Variants in SCARA3 observed in about 807,000 individuals in gnomAD.
SCARA3 encodes the protein scavenger receptor class A member 3, also known as cellular stress response gene protein.
A neutral mutation model predicts 47.0 loss-of-function variants in SCARA3; 39 were observed. The ratio of observed to expected loss-of-function variants is 0.83; its 90% CI spans 0.64 to 1.08. The LOEUF is 1.08. Among genes scored for constraint, SCARA3 ranks in the 50% least tolerant of loss-of-function variants. The pLI is 0.00. For missense variants in SCARA3, 724 were observed against 792.3 expected (o/e 0.91, Z 1.04); for synonymous variants, 356 against 334.1 (o/e 1.07, Z -0.71).
At chr8:27,701,212 A>G in the SCARA3 span, 3 of 152,252 alleles carry the variant, frequency 2.0e-5, no homozygotes, top group African/African-American at 7.2e-5. Context: ...GATGTTCTAG[A>G]AAAACTAAAA....
chr8:27,729,235 A>T, the SCARA3 span, among the ~76,000 whole-genome samples: 10 of 152,306 alleles, frequency 6.6e-5, no homozygotes, highest in East Asian at 3.9e-4. Context: ...AGCTCTTTCA[A>T]TGCACTTTAC....
At chr8:27,719,361 A>G in the SCARA3 span, among the ~76,000 whole-genome samples, 1 of 152,142 alleles carries the variant, frequency 6.6e-6, no homozygotes, top group Non-Finnish European at 1.5e-5. Flanking sequence ...AGGGAACAAC[A>G]CACACTGGGG....
intron 5 of SCARA3, among the ~76,000 whole-genome samples, chr8:27,669,728 G>A (rs1202513234): frequency 6.6e-6 from 1 of 152,234 alleles, no homozygotes; most frequent in African/African-American, 2.4e-5. Context: ...GGTGGGGCTG[G>A]CTCTGTCTGG....
At position 27,665,412 on chromosome 8, in the gene SCARA3, AGTGTCTGTGCTAGACT is replaced by A. The variant is rs34888408; in HGVS notation, c.1370-5466_1370-5451del. Among the ~76,000 whole-genome samples the A allele has an allele frequency of 2.5e-4, 38 of 152,318 alleles. 1 individual carries two copies. The highest frequency in any genetic ancestry group is 4.6e-4 in the Admixed American group (7 of 15,300). On this transcript the variant is annotated intron_variant, in intron 5 of 5. Transcript: ENST00000301904. Reference sequence around the variant, plus strand: ...TCTTCCTACTCTGCAGGGTAATTTCAGTGTCTGTGCTAGACTGTGTCTGTGCTAGACTGTGTCCATG... The same window carrying A: ...TCTTCCTACTCTGCAGGGTAATTTCAGTGTCTGTGCTAGACTGTGTCCATG...
the SCARA3 span, among the ~76,000 whole-genome samples, chr8:27,699,885 G>C: frequency 3.2e-4 from 49 of 152,280 alleles, no homozygotes; most frequent in African/African-American, 1.1e-3. Context: ...ACCACATTGA[G>C]ATCCAGAAAT....
chr8:27,668,322 T>A (rs949304706), intron 5 of SCARA3, among the ~76,000 whole-genome samples: 1 of 147,126 alleles, frequency 6.8e-6, no homozygotes, highest in Non-Finnish European at 1.5e-5. Flanking sequence ...GGGTGGATCA[T>A]GAGGTCAGGA....
At chr8:27,690,425 A>G in the SCARA3 span, among the ~76,000 whole-genome samples, 1 of 152,168 alleles carries the variant, frequency 6.6e-6, no homozygotes, top group African/African-American at 2.4e-5. Context: ...TCTCTCACAC[A>G]CATGACGTGA....
At position 27,656,981 on chromosome 8, in the gene SCARA3, G is replaced by A. The variant is rs1801757849; in HGVS notation, c.325+101G>A. The stretch of plus-strand genomic sequence containing the variant: ...CCCCAGCACCAAGCAACCTTCACCA[G>A]CCTTCTAGGCACAGAGGCTATCCCC... On this transcript the variant is annotated intron_variant, in intron 4 of 5. Transcript: ENST00000301904. 9 of 756,690 alleles carry A rather than the reference G, an allele frequency of 1.2e-5. No individual in the cohort carries two copies. The Admixed American group carries it at 1.7e-4, about 15-fold the overall frequency. 46.9% of individuals were successfully genotyped at this position (756,690 alleles called of 1,614,324 possible).
At chr8:27,635,394 C>G (rs1019419463) in intron 1 of SCARA3, among the ~76,000 whole-genome samples, 4 of 152,136 alleles carry the variant, frequency 2.6e-5, no homozygotes, top group African/African-American at 7.2e-5. Flanking sequence ...CTACAAGGTC[C>G]CACACTTGGT....
chr8:27,681,157 T>C (rs1478321737), downstream of SCARA3, among the ~76,000 whole-genome samples: 2 of 152,032 alleles, frequency 1.3e-5, no homozygotes, highest in Non-Finnish European at 2.9e-5. Context: ...ATAAGACAAG[T>C]AAAGTAAAGA....
chr8:27,638,314 T>TCG (rs1554535995), intron 1 of SCARA3, among the ~76,000 whole-genome samples: 1 of 146,620 alleles, frequency 6.8e-6, no homozygotes, highest in African/African-American at 2.6e-5. Flanking sequence ...AATTTAGTGA[T>TCG]TGTGTGTGTG....
At chr8:27,643,639 C>T (rs1346645242) in intron 1 of SCARA3, among the ~76,000 whole-genome samples, 1 of 152,168 alleles carries the variant, frequency 6.6e-6, no homozygotes, top group Non-Finnish European at 1.5e-5. Context: ...AATAGCTATT[C>T]TGCACTTTAA....
At chr8:27,660,247 C>T (rs1022228764) in intron 5 of SCARA3, among the ~76,000 whole-genome samples, 1 of 151,392 alleles carries the variant, frequency 6.6e-6, no homozygotes, top group Non-Finnish European at 1.5e-5. Flanking sequence ...GAAACAGAAT[C>T]AATAGTGTAT....
chr8:27,686,880 G>T, the SCARA3 span, among the ~76,000 whole-genome samples: 1 of 152,186 alleles, frequency 6.6e-6, no homozygotes, highest in Non-Finnish European at 1.5e-5. Flanking sequence ...TTGCTGAACA[G>T]ATCAACCCAT....
the SCARA3 span, among the ~76,000 whole-genome samples, chr8:27,725,232 A>G: frequency 9.2e-5 from 14 of 152,280 alleles, no homozygotes; most frequent in African/African-American, 3.4e-4. Context: ...AAAGATATGA[A>G]GAAGAAGCAG....
intron 1 of SCARA3, among the ~76,000 whole-genome samples, chr8:27,638,434 G>A (rs1228999736): frequency 2.0e-5 from 3 of 151,948 alleles, no homozygotes. Context: ...CCTGGGGTCA[G>A]TCCCCTCATC....
At chr8:27,673,089 C>A, downstream of SCARA3, 1 of 766,684 alleles carries the variant, frequency 1.3e-6, no homozygotes, top group Non-Finnish European at 1.6e-6. Context: ...TCCAGGTGGG[C>A]CTCTGAAGGA....
At chr8:27,642,555 G>T (rs1387469392) in intron 1 of SCARA3, among the ~76,000 whole-genome samples, 1 of 152,190 alleles carries the variant, frequency 6.6e-6, no homozygotes, top group Admixed American at 6.5e-5. Context: ...AGGCATGGTG[G>T]CTCATGCCAG....
chr8:27,688,298 G>A, the SCARA3 span, among the ~76,000 whole-genome samples: 1 of 151,964 alleles, frequency 6.6e-6, no homozygotes, highest in East Asian at 1.9e-4. Context: ...TTGTATTCAT[G>A]ATAGATGGTC....
Sources: allele counts gnomAD v4.1 joint callset (sites outside exome capture counted in the v4.1 genomes callset), GRCh38; gene constraint gnomAD v4.1.1; transcripts MANE v1.5; gene names NCBI Gene and HGNC (gene_info 2026-07-23, HGNC 2026-07-21).